Variants in FRMD4A observed in about 807,000 individuals in gnomAD.
FRMD4A encodes the protein FERM domain-containing protein 4A.
A neutral mutation model predicts 129.1 loss-of-function variants in FRMD4A; 29 were observed. The observed-to-expected ratio is 0.22, with a 90% CI of 0.17 to 0.31. FRMD4A has a LOEUF of 0.31. FRMD4A is among the 10% of genes least tolerant of loss of function. The probability of loss-of-function intolerance (pLI) is 1.00; values close to 1 mark genes in which losing one functional copy is unlikely to be tolerated. For missense variants in FRMD4A, 1,272 were observed against 1,375.8 expected, an observed-to-expected ratio of 0.92 and a Z score of 1.19; for synonymous variants, 634 against 571.6, an observed-to-expected ratio of 1.11 and a Z score of -1.56.
In FRMD4A at chr10:14,273,052, C is replaced by A. The variant is rs540424846; in HGVS notation, c.45+57006G>T. Among the ~76,000 whole-genome samples the A allele has an allele frequency of 2.1e-5, 3 of 144,836 alleles. No individual in the cohort carries two copies. In the South Asian group the frequency reaches 6.5e-4, roughly 31 times the overall value. On this transcript the variant is annotated intron_variant, in intron 2 of 24. Transcript: ENST00000357447. ...GCAACATGGCCAAACCCTGTCTTTA[C>A]CAGAAATACACACACACACACACAC...
intron 2 of FRMD4A, among the ~76,000 whole-genome samples, chr10:14,082,635 C>G (rs1835995690): frequency 6.6e-6 from 1 of 152,108 alleles, no homozygotes; most frequent in Non-Finnish European, 1.5e-5. Context: ...CGAAAAGGCA[C>G]CTGAAACTCA....
chr10:13,756,334 T>C (rs1343882586), intron 8 of FRMD4A: 1 of 152,238 alleles, frequency 6.6e-6, no homozygotes, highest in East Asian at 1.9e-4. Context: ...AGTACTTCAA[T>C]ATTGCAAAAT....
intron 2 of FRMD4A, among the ~76,000 whole-genome samples, chr10:14,245,861 C>A (rs1422106879): frequency 6.6e-6 from 1 of 152,144 alleles, no homozygotes; most frequent in Non-Finnish European, 1.5e-5. Context: ...GCAGCCCAAG[C>A]AAACTCATAC....
At chr10:13,904,260 C>T (rs1429837698) in intron 2 of FRMD4A, among the ~76,000 whole-genome samples, 1 of 152,222 alleles carries the variant, frequency 6.6e-6, no homozygotes, top group African/African-American at 2.4e-5. Flanking sequence ...GGAGAACGCT[C>T]CTACAGGCCC....
rs555564831 is a variant in FRMD4A, at chr10:14,025,090, T to G, written c.46-166178A>C. On this transcript the variant is annotated intron_variant, in intron 2 of 24. Transcript: ENST00000357447. The stretch of plus-strand genomic sequence containing the variant: ...TTGTGAAAAACAAGGAAACGAAAGT[T>G]GTGAGGGTACTAAATTTTTCCTCAG... Among the ~76,000 whole-genome samples the G allele has an allele frequency of 7.2e-5, 11 of 152,372 alleles. No individual in the cohort carries two copies. In the East Asian group the frequency reaches 2.1e-3, roughly 29 times the overall value.
chr10:13,768,633 C>T (rs182006907), intron 6 of FRMD4A, among the ~76,000 whole-genome samples: 1 of 152,316 alleles, frequency 6.6e-6, no homozygotes, highest in East Asian at 1.9e-4. Context: ...TTCTTACCCA[C>T]AAAACATCTA....
chr10:14,060,466 A>C lies in FRMD4A; in HGVS notation c.46-201554T>G, dbSNP rs1335021176. Among the ~76,000 whole-genome samples, 3 of 152,180 alleles carry C rather than the reference A, an allele frequency of 2.0e-5. No individual in the cohort carries two copies. The East Asian group carries it at 5.8e-4, about 29-fold the overall frequency. Reference sequence around the variant, plus strand: ...AATGTACTTAAGGGCATCTAAGGTGACCACTTTTACAAGTGGACTACTTGG... The same window carrying C: ...AATGTACTTAAGGGCATCTAAGGTGCCCACTTTTACAAGTGGACTACTTGG... On this transcript the variant is annotated intron_variant, in intron 2 of 24. Coordinates refer to ENST00000357447, the MANE Select transcript of FRMD4A (RefSeq NM_018027.5).
At chr10:13,831,972 G>C (rs996118509) in intron 3 of FRMD4A, among the ~76,000 whole-genome samples, 2 of 152,196 alleles carry the variant, frequency 1.3e-5, no homozygotes, top group Non-Finnish European at 1.5e-5. Flanking sequence ...CTGCTGGCAC[G>C]TAATCTTCAA....
intron 2 of FRMD4A, among the ~76,000 whole-genome samples, chr10:14,262,997 G>A (rs753369502): frequency 2.0e-5 from 3 of 152,212 alleles, no homozygotes; most frequent in African/African-American, 7.2e-5. Context: ...CAGTGCAGGC[G>A]AGAGGGGGAA....
intron 2 of FRMD4A, among the ~76,000 whole-genome samples, chr10:14,328,090 A>G (rs1311016776): frequency 6.6e-6 from 1 of 152,212 alleles, no homozygotes; most frequent in Non-Finnish European, 1.5e-5. Flanking sequence ...TCCCTGAACT[A>G]AACATGAACC....
intron 2 of FRMD4A, among the ~76,000 whole-genome samples, chr10:14,038,530 G>A (rs1055400024): frequency 6.6e-6 from 1 of 152,088 alleles, no homozygotes; most frequent in Non-Finnish European, 1.5e-5. Context: ...AAAGAGATAG[G>A]CAAGCCCCCA....
At chr10:13,914,115 A>G (rs1354372721) in intron 2 of FRMD4A, among the ~76,000 whole-genome samples, 1 of 152,230 alleles carries the variant, frequency 6.6e-6, no homozygotes. Context: ...GCGCGGGCAG[A>G]TGCCTTCTGT....
chr10:13,853,276 A>G (rs563364642), intron 3 of FRMD4A, among the ~76,000 whole-genome samples: 396 of 152,342 alleles, frequency 2.6e-3, no homozygotes, highest in African/African-American at 9.1e-3. Flanking sequence ...GCAGTGGCTC[A>G]CGCCTGCCAT....
intron 2 of FRMD4A, among the ~76,000 whole-genome samples, chr10:14,009,650 C>A (rs953026201): frequency 6.6e-6 from 1 of 152,224 alleles, no homozygotes; most frequent in East Asian, 1.9e-4. Flanking sequence ...CAGCAGCGCA[C>A]GGGCTGGAAA....
intron 2 of FRMD4A, among the ~76,000 whole-genome samples, chr10:13,996,011 C>T (rs1425366096): frequency 6.6e-6 from 1 of 152,144 alleles, no homozygotes; most frequent in Non-Finnish European, 1.5e-5. Flanking sequence ...GTTTATTGCT[C>T]ATAGTTCTGG....
rs1215782132 is a variant in FRMD4A, at chr10:14,176,666, C to T, written c.45+153392G>A. The stretch of plus-strand genomic sequence containing the variant: ...ATTTTTGTATTTTTAGTAGAGATGG[C>T]GTTTCACCATGTTGGCCAGGATGGT... On this transcript the variant is annotated intron_variant, in intron 2 of 24. Transcript: ENST00000357447. Among the ~76,000 whole-genome samples the T allele has an allele frequency of 5.9e-5, 9 of 151,640 alleles. No homozygotes were observed. The South Asian group carries it at 6.3e-4, about 11-fold the overall frequency.
chr10:14,061,231 A>G (rs1395992118), intron 2 of FRMD4A, among the ~76,000 whole-genome samples: 2 of 152,084 alleles, frequency 1.3e-5, no homozygotes, highest in Non-Finnish European at 2.9e-5. Flanking sequence ...GGACTACCTG[A>G]GGTCAGGAGT....
At chr10:14,153,123 A>G (rs1234989051) in intron 2 of FRMD4A, among the ~76,000 whole-genome samples, 1 of 152,232 alleles carries the variant, frequency 6.6e-6, no homozygotes, top group Non-Finnish European at 1.5e-5. Flanking sequence ...AATGTATTGC[A>G]GTGCAGAGGG....
At chr10:14,022,136 C>G (rs1832787271) in intron 2 of FRMD4A, among the ~76,000 whole-genome samples, 2 of 152,010 alleles carry the variant, frequency 1.3e-5, no homozygotes, top group South Asian at 4.2e-4. Context: ...GAGGAGGAGG[C>G]AAGACAGAGA....
Sources: allele counts gnomAD v4.1 joint callset (sites outside exome capture counted in the v4.1 genomes callset), GRCh38; gene constraint gnomAD v4.1.1; transcripts MANE v1.5; gene names NCBI Gene and HGNC (gene_info 2026-07-23, HGNC 2026-07-21).